CD274: variants seen among roughly 807,000 people sequenced by gnomAD.
CD274 encodes the protein programmed cell death 1 ligand 1.
A neutral mutation model predicts 30.1 loss-of-function variants in CD274; 8 were observed. The observed-to-expected ratio is 0.27, with a 90% confidence interval of 0.16 to 0.48. CD274 has a LOEUF of 0.48. CD274 is among the 20% of genes least tolerant of loss of function. The probability of loss-of-function intolerance (pLI) is 0.99; values close to 1 mark genes in which losing one functional copy is unlikely to be tolerated. For missense variants in CD274, 353 were observed against 346.6 expected, an observed-to-expected ratio of 1.02 and a Z score of -0.15; for synonymous variants, 152 against 124.6, an observed-to-expected ratio of 1.22 and a Z score of -1.46.
Position 5,457,326 on chromosome 9 carries a change from G to A in CD274, c.300G>A (p.Gln100=), listed in dbSNP as rs1030540266. 3 of 1,613,976 alleles carry A rather than the reference G, an allele frequency of 1.9e-6. No individual in the cohort carries two copies. In the African/African-American group the frequency reaches 4.0e-5, roughly 22 times the overall value. The part of the protein sequence containing the change: ...DQLSLGNAAL[Q]ITDVKLQDAG... The stretch of plus-strand genomic sequence containing the variant: ...TCTCCCTGGGAAATGCTGCACTTCA[G>A]ATCACAGATGTGAAATTGCAGGATG... The change falls in exon 3 of 7, where the codon CAG becomes CAA. Residue 100 remains glutamine (Q), a synonymous_variant. Transcript: ENST00000381577.
intron 1 of CD274, among the ~76,000 whole-genome samples, chr9:5,453,821 G>T (rs1420412440): frequency 6.6e-6 from 1 of 152,112 alleles, no homozygotes; most frequent in East Asian, 1.9e-4. Flanking sequence ...TCTTTGCTGT[G>T]GGAGGCTGGC....
At chr9:5,464,798 C>A (rs907453062) in intron 4 of CD274, among the ~76,000 whole-genome samples, 2 of 152,048 alleles carry the variant, frequency 1.3e-5, no homozygotes, top group Non-Finnish European at 2.9e-5. Context: ...TTAAAGAATG[C>A]AAGAGGGGCC....
chr9:5,454,652 TG>T, intron 1 of CD274, among the ~76,000 whole-genome samples: 1 of 152,060 alleles, frequency 6.6e-6, no homozygotes, highest in African/African-American at 2.4e-5. Flanking sequence ...TGTGTGTGTG[TG>T]TGTTTTTGTT....
intron 4 of CD274, among the ~76,000 whole-genome samples, chr9:5,464,381 C>T (rs978680363): frequency 2.0e-5 from 3 of 152,022 alleles, no homozygotes; most frequent in Non-Finnish European, 1.5e-5. Context: ...ATAAAACATA[C>T]GTGAACAGGC....
chr9:5,465,632 C>A (rs751773137), intron 5 of CD274, 26 bp downstream of exon 5: 3 of 1,301,640 alleles, frequency 2.3e-6, no homozygotes, highest in South Asian at 2.4e-5. Context: ...TTGCAGTGGT[C>A]TCCACTGGGG....
intron 1 of CD274, among the ~76,000 whole-genome samples, chr9:5,451,177 T>C (rs974999909): frequency 6.6e-6 from 1 of 152,224 alleles, no homozygotes; most frequent in African/African-American, 2.4e-5. Flanking sequence ...ATGTCAAAGT[T>C]CAGTCTGGGT....
Position 5,463,015 on chromosome 9 carries a change from T to C in CD274, c.576T>C (p.Asn192=), listed in dbSNP as rs761069715. Residue 192 remains asparagine, a synonymous_variant, in exon 4 of 7, where the codon AAT becomes AAC. Transcript: ENST00000381577. The part of the protein sequence containing the change: ...TNSKREEKLF[N]VTSTLRINTT... ...CCAAGAGAGAGGAGAAGCTTTTCAA[T>C]GTGACCAGCACACTGAGAATCAACA... 1 of 1,613,958 alleles carries C rather than the reference T, an allele frequency of 6.2e-7. No individual in the cohort carries two copies. Among genetic ancestry groups the C allele is most frequent in the African/African-American group, 1.3e-5 (1 of 74,916 alleles).
intron 1 of CD274, 128 bp from the exon 2 acceptor site, chr9:5,455,972 C>G (rs1586762820): frequency 1.6e-6 from 1 of 624,966 alleles, no homozygotes; most frequent in African/African-American, 1.9e-5. Flanking sequence ...TGGGTTTCCA[C>G]AATTACAAGT....
In CD274 at chr9:5,460,192, A is replaced by G. The variant is rs75138839; in HGVS notation, c.395-2642A>G. On this transcript the variant is annotated intron_variant, in intron 3 of 6. Transcript: ENST00000381577. Reference sequence around the variant, plus strand: ...ATTAGCCTAAAATTTTGGAAACATGAACAGATTTGGATATGTGAAAATTTA... The same window carrying G: ...ATTAGCCTAAAATTTTGGAAACATGGACAGATTTGGATATGTGAAAATTTA... 3.7e-3 allele frequency among the ~76,000 whole-genome samples: 556 copies of G among 152,294 alleles called. 4 individuals carry two copies. The highest frequency in any genetic ancestry group is 0.012 in the African/African-American group (511 of 41,564).
At chr9:5,458,014 G>A (rs1819338181) in intron 3 of CD274, among the ~76,000 whole-genome samples, 1 of 152,180 alleles carries the variant, frequency 6.6e-6, no homozygotes, top group South Asian at 2.1e-4. Flanking sequence ...AAGTGTGAAA[G>A]AACCTATTCT....
chr9:5,460,395 T>C (rs1197023669), intron 3 of CD274, among the ~76,000 whole-genome samples: 2 of 152,124 alleles, frequency 1.3e-5, no homozygotes, highest in Non-Finnish European at 2.9e-5. Context: ...AATTAGTTCA[T>C]TTCCTCCTGG....
Position 5,469,054 on chromosome 9 carries a change from G to A in CD274, c.*1192G>A. ...GATGCGAGGGGAAAACCCGAGCAGT[G>A]TTGCCAAGAGGAGGAAATAGGCCAA... is the stretch of plus-strand genomic sequence containing the variant. On this transcript the variant is annotated 3_prime_UTR_variant, in exon 7 of 7. Transcript: ENST00000381577. The A allele has an allele frequency of 4.3e-6, 1 of 233,122 alleles. No individual in the cohort carries two copies. Among genetic ancestry groups the A allele is most frequent in the Non-Finnish European group, 8.5e-6 (1 of 117,948 alleles). The allele number at this position is 233,122 out of a possible 1,614,324, so 14.4% of individuals were successfully genotyped here.
intron 2 of CD274, among the ~76,000 whole-genome samples, chr9:5,456,549 T>TC (rs2131209698): frequency 6.6e-6 from 1 of 152,344 alleles, no homozygotes; most frequent in African/African-American, 2.4e-5. Flanking sequence ...ATGAGGATAC[T>TC]TTAAGGAAGA....
chr9:5,457,692 A>T (rs1819331257), intron 3 of CD274, among the ~76,000 whole-genome samples: 1 of 152,182 alleles, frequency 6.6e-6, no homozygotes, highest in African/African-American at 2.4e-5. Flanking sequence ...TTACTTTTTT[A>T]TTACAAATGG....
rs1431358658 is a variant in CD274, at chr9:5,455,222, T to C, written c.-14-878T>C. Among the ~76,000 whole-genome samples, 4 of 152,238 alleles carry C rather than the reference T, an allele frequency of 2.6e-5. No individual in the cohort carries two copies. The East Asian group carries it at 7.7e-4, about 29-fold the overall frequency. On this transcript the variant is annotated intron_variant, in intron 1 of 6. Transcript: ENST00000381577. ...TAATAAATGCACAGATTGGCTGAAA[T>C]AGAGTATAAATCTTTTACTCCCCTA...
At position 5,462,926 on chromosome 9, in the gene CD274, G is replaced by A. The variant is rs2131223405; in HGVS notation, c.487G>A (p.Ala163Thr). ...ATGTCAGGCTGAGGGCTACCCCAAG[G>A]CCGAAGTCATCTGGACAAGCAGTGA... ...LTCQAEGYPK[A>T]EVIWTSSDHQ... Residue 163 changes from alanine to threonine, a missense_variant, in exon 4 of 7, where the codon GCC becomes ACC. By Grantham distance (58) the Ala-to-Thr change is moderately conservative. Transcript: ENST00000381577. 6.2e-7 allele frequency: 1 copy of A among 1,614,014 alleles called. No homozygotes were observed. The highest frequency in any genetic ancestry group is 8.5e-7 in the Non-Finnish European group (1 of 1,179,942).
chr9:5,460,879 T>G (rs1819391940), intron 3 of CD274, among the ~76,000 whole-genome samples: 1 of 152,200 alleles, frequency 6.6e-6, no homozygotes, highest in Admixed American at 6.5e-5. Flanking sequence ...TACTTTCTGT[T>G]AATATATAAG....
Position 5,462,874 on chromosome 9 carries a change from T to G in CD274, c.435T>G (p.Asp145Glu). ...TCAACCAAAGAATTTTGGTTGTGGA[T>G]CCAGTCACCTCTGAACATGAACTGA... ...NKINQRILVV[D>E]PVTSEHELTC... is the part of the protein sequence containing the mutation. Residue 145 changes from aspartate to glutamate, a missense_variant, in exon 4 of 7, where the codon GAT becomes GAG. Coordinates refer to ENST00000381577, the MANE Select transcript of CD274 (RefSeq NM_014143.4). The G allele has an allele frequency of 6.2e-7, 1 of 1,613,880 alleles. No homozygotes were observed.
chr9:5,467,423 A>T (rs1462469903), intron 6 of CD274, among the ~76,000 whole-genome samples: 2 of 152,174 alleles, frequency 1.3e-5, no homozygotes, highest in African/African-American at 4.8e-5. Flanking sequence ...AGGGCAGAAA[A>T]ACCTCATCCA....
Sources: allele counts gnomAD v4.1 joint callset (sites outside exome capture counted in the v4.1 genomes callset), GRCh38; gene constraint gnomAD v4.1.1; transcripts MANE v1.5; gene names NCBI Gene and HGNC (gene_info 2026-07-23, HGNC 2026-07-21).